TESK2: variants seen among roughly 807,000 people sequenced by gnomAD.
The protein encoded by TESK2 is testis associated actin remodelling kinase 2.
Under a neutral mutation model 57.1 loss-of-function variants are expected in TESK2, and 39 were observed. The ratio of observed to expected loss-of-function variants is 0.68; its 90% CI spans 0.53 to 0.89. The LOEUF is 0.89. Among genes scored for constraint, TESK2 ranks in the 40% least tolerant of loss-of-function variants. The pLI is 0.00. For missense variants in TESK2, 646 were observed against 732.1 expected (o/e 0.88, Z 1.36); for synonymous variants, 249 against 267.9 (o/e 0.93, Z 0.69).
rs1652871985 is a variant in TESK2, at chr1:45,473,922, C to CA, written c.-86-16052dup. 2.0e-5 allele frequency among the ~76,000 whole-genome samples: 3 copies of CA among 151,894 alleles called. No homozygotes were observed. The South Asian group carries it at 6.2e-4, about 31-fold the overall frequency. ...AAACAATCCTCCCGCCTCAGCCCCC[C>CA]AAAGTGCTAGGATTACAGGCATGAG... is the stretch of plus-strand genomic sequence containing the variant. On this transcript the variant is annotated intron_variant, in intron 1 of 10. Coordinates refer to ENST00000372086, the MANE Select transcript of TESK2 (RefSeq NM_007170.3).
intron 2 of TESK2, among the ~76,000 whole-genome samples, chr1:45,451,304 G>T (rs1384785596): frequency 6.6e-6 from 1 of 152,206 alleles, no homozygotes; most frequent in East Asian, 1.9e-4. Flanking sequence ...CCCTTTTCAT[G>T]CTGTGTTTGA....
intron 4 of TESK2, 66 bp from the exon 5 acceptor site, chr1:45,355,515 TAGAG>T: frequency 6.5e-7 from 1 of 1,544,250 alleles, no homozygotes; most frequent in Non-Finnish European, 8.7e-7. Context: ...GTGAAACCAT[TAGAG>T]AGTAAACACC....
At chr1:45,415,111 C>G in intron 3 of TESK2, 1 of 1,462,052 alleles carries the variant, frequency 6.8e-7, no homozygotes, top group Non-Finnish European at 9.5e-7. Context: ...GACAAGTTTC[C>G]AAAGACAACA....
chr1:45,477,214 CAGAGT>C, intron 1 of TESK2, among the ~76,000 whole-genome samples: 1 of 150,240 alleles, frequency 6.7e-6, no homozygotes, highest in East Asian at 2.0e-4. Flanking sequence ...GCCTGGGTGA[CAGAGT>C]GAGACTCTGT....
At chr1:45,417,482 C>T (rs533313134) in intron 3 of TESK2, among the ~76,000 whole-genome samples, 10 of 152,216 alleles carry the variant, frequency 6.6e-5, no homozygotes, top group South Asian at 6.2e-4. Flanking sequence ...CCACCTGCCT[C>T]GGCCTTCCAA....
intron 1 of TESK2, among the ~76,000 whole-genome samples, chr1:45,479,585 C>A (rs1252408453): frequency 6.6e-6 from 1 of 151,954 alleles, no homozygotes; most frequent in Non-Finnish European, 1.5e-5. Flanking sequence ...TGCGCCACCA[C>A]GCCCAGCCCC....
intron 1 of TESK2, among the ~76,000 whole-genome samples, chr1:45,476,664 G>A (rs955653410): frequency 7.3e-5 from 11 of 150,962 alleles, no homozygotes; most frequent in Admixed American, 4.0e-4. Flanking sequence ...TGGCTAACAC[G>A]GTGAAACCCC....
intron 4 of TESK2, among the ~76,000 whole-genome samples, chr1:45,381,758 TA>T (rs754532156): frequency 2.8e-5 from 4 of 144,750 alleles, no homozygotes; most frequent in African/African-American, 5.1e-5. Flanking sequence ...TATTTTCTGT[TA>T]AAAAAAAAAC....
At chr1:45,434,908 AT>A (rs1374109808) in intron 2 of TESK2, among the ~76,000 whole-genome samples, 1 of 149,428 alleles carries the variant, frequency 6.7e-6, no homozygotes, top group African/African-American at 2.5e-5. Flanking sequence ...TTGCCATAAA[AT>A]CTTTGCCTAG....
At chr1:45,469,563 C>G (rs951817912) in intron 1 of TESK2, among the ~76,000 whole-genome samples, 3 of 152,150 alleles carry the variant, frequency 2.0e-5, no homozygotes, top group African/African-American at 7.2e-5. Flanking sequence ...TTCAGAAATA[C>G]ATCAAATTTC....
At chr1:45,476,358 A>G (rs1369381927) in intron 1 of TESK2, among the ~76,000 whole-genome samples, 1 of 152,110 alleles carries the variant, frequency 6.6e-6, no homozygotes, top group African/African-American at 2.4e-5. Flanking sequence ...AAATACAAAA[A>G]TTGGCTAAGC....
In TESK2 at chr1:45,366,106, C is replaced by G. The variant is rs77624866; in HGVS notation, c.394-10657G>C. Among the ~76,000 whole-genome samples, 95 of 151,202 alleles carry G rather than the reference C, an allele frequency of 6.3e-4. No homozygotes were observed. In the East Asian group the frequency reaches 0.014, roughly 22 times the overall value. ...TTACAAGCATGAACCACCACACTGG[C>G]CCTTATTTATTTATTTGTCACCCAG... On this transcript the variant is annotated intron_variant, in intron 4 of 10. Transcript: ENST00000372086.
chr1:45,443,627 C>G (rs527753219), intron 2 of TESK2, among the ~76,000 whole-genome samples: 6 of 144,086 alleles, frequency 4.2e-5, no homozygotes, highest in African/African-American at 1.3e-4. Context: ...AATCCACACT[C>G]TAATTGTAAA....
chr1:45,417,579 G>C (rs1187448472), intron 3 of TESK2, among the ~76,000 whole-genome samples: 2 of 151,916 alleles, frequency 1.3e-5, no homozygotes, highest in South Asian at 2.1e-4. Context: ...ATCTCATGGA[G>C]ATTTTTCTAT....
intron 1 of TESK2, among the ~76,000 whole-genome samples, chr1:45,485,781 A>C (rs1205804782): frequency 6.6e-6 from 1 of 151,970 alleles, no homozygotes; most frequent in Non-Finnish European, 1.5e-5. Flanking sequence ...TCAGCCTCCC[A>C]AAGTGCTGGG....
chr1:45,448,902 A>G (rs1325216492), intron 2 of TESK2, among the ~76,000 whole-genome samples: 1 of 152,324 alleles, frequency 6.6e-6, no homozygotes. Flanking sequence ...ATATGGACCA[A>G]CAGGAACTCT....
chr1:45,359,589 C>T (rs1018586579), intron 4 of TESK2, among the ~76,000 whole-genome samples: 9 of 150,364 alleles, frequency 6.0e-5, no homozygotes, highest in African/African-American at 1.5e-4. Flanking sequence ...GTTGGCCAGG[C>T]GAGATGGCTC....
intron 1 of TESK2, among the ~76,000 whole-genome samples, chr1:45,482,465 C>T (rs1329417152): frequency 2.6e-5 from 4 of 151,852 alleles, no homozygotes; most frequent in Admixed American, 6.6e-5. Flanking sequence ...GAGGTCGAGG[C>T]CATAGTGAGC....
At chr1:45,487,322 A>T (rs529045830) in intron 1 of TESK2, among the ~76,000 whole-genome samples, 1 of 152,254 alleles carries the variant, frequency 6.6e-6, no homozygotes, top group Non-Finnish European at 1.5e-5. Context: ...CTACTTTTCA[A>T]CAAGTGCCAA....
Sources: allele counts gnomAD v4.1 joint callset (sites outside exome capture counted in the v4.1 genomes callset), GRCh38; gene constraint gnomAD v4.1.1; transcripts MANE v1.5; gene names NCBI Gene and HGNC (gene_info 2026-07-23, HGNC 2026-07-21).